PPFIA2: variants seen among roughly 807,000 people sequenced by gnomAD.
The protein encoded by PPFIA2 is PPFI scaffold protein A2.
PPFIA2 carries 46 observed loss-of-function variants against 175.5 expected under a neutral mutation model. The ratio of observed to expected loss-of-function variants is 0.26; its 90% CI spans 0.21 to 0.34. PPFIA2 has a LOEUF of 0.34. Among genes scored for constraint, PPFIA2 ranks in the 10% least tolerant of loss-of-function variants. The pLI is 1.00. For synonymous variants in PPFIA2, 568 were observed against 511.4 expected (o/e 1.11, Z -1.49); for missense variants, 1,179 against 1,506.1 (o/e 0.78, Z 3.60).
At chr12:81,444,184 T>C (rs1262965440) in intron 6 of PPFIA2, among the ~76,000 whole-genome samples, 1 of 152,184 alleles carries the variant, frequency 6.6e-6, no homozygotes, top group Non-Finnish European at 1.5e-5. Flanking sequence ...CATCCTTGTC[T>C]TTGTCATTAC....
intron 22 of PPFIA2, among the ~76,000 whole-genome samples, chr12:81,303,879 A>G (rs1450539562): frequency 2.6e-5 from 4 of 152,220 alleles, no homozygotes; most frequent in Non-Finnish European, 5.9e-5. Context: ...AATGCAGACT[A>G]ATTAACCAGG....
chr12:81,656,637 A>G (rs936242268), intron 4 of PPFIA2, among the ~76,000 whole-genome samples: 4 of 152,106 alleles, frequency 2.6e-5, no homozygotes, highest in Non-Finnish European at 5.9e-5. Context: ...ATTTTCTATA[A>G]AAGTTCTCAC....
At chr12:81,428,378 A>G (rs1034726844) in intron 7 of PPFIA2, among the ~76,000 whole-genome samples, 1 of 152,048 alleles carries the variant, frequency 6.6e-6, no homozygotes, top group Admixed American at 6.6e-5. Context: ...CAAGACTTGG[A>G]ACTAGTAAAA....
chr12:81,755,930 A>T lies in PPFIA2; in HGVS notation c.-2-1707T>A, dbSNP rs1352686553. On this transcript the variant is annotated intron_variant, in intron 2 of 32. Coordinates refer to ENST00000549396, the MANE Select transcript of PPFIA2 (RefSeq NM_003625.5). ...ATGGATAAAACTGTTTCTTGCATTT[A>T]TCTCAATTTGATTTTCATTCAAAGA... Among the ~76,000 whole-genome samples the T allele has an allele frequency of 1.1e-4, 17 of 152,276 alleles. No individual in the cohort carries two copies. In the East Asian group the frequency reaches 2.5e-3, roughly 22 times the overall value.
intron 4 of PPFIA2, chr12:81,546,524 A>C (rs2067023742): frequency 6.6e-6 from 1 of 152,172 alleles, no homozygotes. Context: ...ATGTACATCT[A>C]GGATAAATTT....
chr12:81,265,242 G>A (rs985866019), intron 30 of PPFIA2, among the ~76,000 whole-genome samples: 9 of 127,168 alleles, frequency 7.1e-5, no homozygotes, highest in Non-Finnish European at 9.5e-5. Flanking sequence ...GTGGTGAGCC[G>A]AGATCACACC....
At chr12:81,734,647 T>C (rs2081342985) in intron 3 of PPFIA2, among the ~76,000 whole-genome samples, 1 of 151,796 alleles carries the variant, frequency 6.6e-6, no homozygotes, top group Non-Finnish European at 1.5e-5. Context: ...CTCTAGGTGA[T>C]TGGGAGCCAT....
At chr12:81,639,270 T>C (rs187427855) in intron 4 of PPFIA2, among the ~76,000 whole-genome samples, 54 of 150,838 alleles carry the variant, frequency 3.6e-4, no homozygotes, top group Admixed American at 6.6e-4. Context: ...TCCCCCTGCT[T>C]TTTTTTCTTT....
chr12:81,262,260 T>C (rs1006269432), intron 31 of PPFIA2, among the ~76,000 whole-genome samples: 1 of 152,200 alleles, frequency 6.6e-6, no homozygotes, highest in African/African-American at 2.4e-5. Context: ...TTATGTATTC[T>C]TCCTTAGATA....
chr12:81,727,971 C>T (rs1203433563), intron 3 of PPFIA2, among the ~76,000 whole-genome samples: 1 of 151,276 alleles, frequency 6.6e-6, no homozygotes, highest in Non-Finnish European at 1.5e-5. Flanking sequence ...AGATAGTGTA[C>T]AAAATATCTC....
rs1403381403 is a variant in PPFIA2, at chr12:81,569,913, G to A, written c.303+106878C>T. On this transcript the variant is annotated intron_variant, in intron 4 of 32. Coordinates refer to ENST00000549396, the MANE Select transcript of PPFIA2 (RefSeq NM_003625.5). Reference sequence around the variant, plus strand: ...TACAAAGCTGGTAATAGGCAGTGAGGGCATTTGAACTCTAAACTATCCACA... The same window carrying A: ...TACAAAGCTGGTAATAGGCAGTGAGAGCATTTGAACTCTAAACTATCCACA... Among the ~76,000 whole-genome samples, 3 of 152,158 alleles carry A rather than the reference G, an allele frequency of 2.0e-5. No homozygotes were observed. The East Asian group carries it at 5.8e-4, about 29-fold the overall frequency.
chr12:81,514,245 T>C (rs1045447338), intron 4 of PPFIA2, among the ~76,000 whole-genome samples: 1 of 151,964 alleles, frequency 6.6e-6, no homozygotes, highest in Non-Finnish European at 1.5e-5. Context: ...CTCTCTCCTA[T>C]TAACCTTACC....
At chr12:81,533,191 A>T (rs542564973) in intron 4 of PPFIA2, among the ~76,000 whole-genome samples, 2 of 151,712 alleles carry the variant, frequency 1.3e-5, no homozygotes, top group Non-Finnish European at 3.0e-5. Flanking sequence ...TAAAATGTTC[A>T]AAATGCATTT....
At chr12:81,731,522 C>A (rs2080907181) in intron 3 of PPFIA2, among the ~76,000 whole-genome samples, 1 of 151,568 alleles carries the variant, frequency 6.6e-6, no homozygotes, top group African/African-American at 2.4e-5. Context: ...CACAAAAGAG[C>A]CTTACTGTGC....
intron 22 of PPFIA2, among the ~76,000 whole-genome samples, chr12:81,306,386 A>G (rs968899065): frequency 6.6e-6 from 1 of 152,184 alleles, no homozygotes; most frequent in Non-Finnish European, 1.5e-5. Flanking sequence ...CATGTGGAAC[A>G]TGAAGCTGAT....
chr12:81,367,695 C>T (rs558895465), intron 13 of PPFIA2, among the ~76,000 whole-genome samples: 2 of 151,536 alleles, frequency 1.3e-5, no homozygotes, highest in South Asian at 4.1e-4. Context: ...TATTCAGAAA[C>T]CTAATATTAC....
intron 32 of PPFIA2, 69 bp downstream of exon 32, chr12:81,261,880 A>C: frequency 9.6e-7 from 1 of 1,043,892 alleles, no homozygotes; most frequent in Non-Finnish European, 1.4e-6. Flanking sequence ...TATAGTGTAT[A>C]TTTATTAGTC....
intron 4 of PPFIA2, among the ~76,000 whole-genome samples, chr12:81,524,502 A>C (rs544680174): frequency 6.6e-6 from 1 of 152,242 alleles, no homozygotes; most frequent in Admixed American, 6.5e-5. Flanking sequence ...TTTATTTTCC[A>C]GTGGGAATGT....
intron 5 of PPFIA2, among the ~76,000 whole-genome samples, chr12:81,446,243 T>C (rs1416242840): frequency 6.6e-6 from 1 of 152,210 alleles, no homozygotes; most frequent in Non-Finnish European, 1.5e-5. Flanking sequence ...ATGCAACCAA[T>C]TAGAACATAG....
Sources: gnomAD v4.1 joint callset for allele counts (sites outside exome capture counted in the v4.1 genomes callset) on GRCh38, gnomAD v4.1.1 for gene constraint, MANE v1.5 for transcripts, NCBI Gene and HGNC (gene_info 2026-07-23, HGNC 2026-07-21) for gene names.